ANKRD30BL: variants seen among roughly 807,000 people sequenced by gnomAD.
ANKRD30BL encodes the protein putative ankyrin repeat domain-containing protein 30B-like.
Under a neutral mutation model 18.4 loss-of-function variants are expected in ANKRD30BL, and 20 were observed. The observed-to-expected ratio is 1.09, with a 90% CI of 0.77 to 1.58. The LOEUF (loss-of-function observed/expected upper bound fraction) is 1.58. Ranked by LOEUF, ANKRD30BL falls within the 40% of genes most tolerant of loss-of-function variation. ANKRD30BL has a pLI of 0.00. For synonymous variants in ANKRD30BL, 72 were observed against 100.9 expected (o/e 0.71, Z 1.72); for missense variants, 224 against 268.6 (o/e 0.83, Z 1.16).
chr2:132,155,568 A>G (rs1274271347), intron 3 of ANKRD30BL: 1 of 152,172 alleles, frequency 6.6e-6, no homozygotes, highest in Non-Finnish European at 1.5e-5. Context: ...GGTTTATCCT[A>G]TTACCAGACA....
chr2:132,201,484 C>T (rs1488300912), intron 1 of ANKRD30BL, among the ~76,000 whole-genome samples: 14 of 151,908 alleles, frequency 9.2e-5, no homozygotes, highest in East Asian at 1.9e-4. Flanking sequence ...GGGCAAAGGA[C>T]ATGAACAGAC....
chr2:132,250,656 A>G (rs1389114889), intron 1 of ANKRD30BL, among the ~76,000 whole-genome samples: 2 of 152,212 alleles, frequency 1.3e-5, no homozygotes, highest in Admixed American at 1.3e-4. Context: ...AAACACAGCT[A>G]AGGTGATTCA....
At chr2:132,236,268 C>T (rs1033401675) in intron 1 of ANKRD30BL, among the ~76,000 whole-genome samples, 3 of 152,106 alleles carry the variant, frequency 2.0e-5, no homozygotes, top group Non-Finnish European at 2.9e-5. Context: ...CCATTCAGGA[C>T]ATAGGCATGG....
chr2:132,242,456 G>C (rs62163995), intron 1 of ANKRD30BL, among the ~76,000 whole-genome samples: 3 of 151,736 alleles, frequency 2.0e-5, no homozygotes, highest in Non-Finnish European at 4.4e-5. Context: ...CCCTTTCATA[G>C]AGCAGGGTTG....
At chr2:132,253,836 C>T (rs1680738912) in intron 1 of ANKRD30BL, among the ~76,000 whole-genome samples, 1 of 152,094 alleles carries the variant, frequency 6.6e-6, no homozygotes, top group Non-Finnish European at 1.5e-5. Context: ...GCCCCCTACC[C>T]TCGAGACCCC....
At chr2:132,173,226 G>C (rs1688311194) in intron 1 of ANKRD30BL, among the ~76,000 whole-genome samples, 1 of 151,276 alleles carries the variant, frequency 6.6e-6, no homozygotes, top group Non-Finnish European at 1.5e-5. Context: ...GTAAGTTAAG[G>C]GCCCAAACTT....
At chr2:132,188,444 C>A (rs1170701319) in intron 1 of ANKRD30BL, among the ~76,000 whole-genome samples, 1 of 152,186 alleles carries the variant, frequency 6.6e-6, no homozygotes, top group Non-Finnish European at 1.5e-5. Flanking sequence ...GGGCAGGGCG[C>A]GGTGGCTCAC....
At chr2:132,199,959 C>G (rs1027332184) in intron 1 of ANKRD30BL, among the ~76,000 whole-genome samples, 1 of 152,116 alleles carries the variant, frequency 6.6e-6, no homozygotes, top group African/African-American at 2.4e-5. Context: ...AAAAGCTTAT[C>G]CAACACGATC....
At chr2:132,230,591 T>C (rs1157410425) in intron 1 of ANKRD30BL, among the ~76,000 whole-genome samples, 1 of 152,044 alleles carries the variant, frequency 6.6e-6, no homozygotes, top group Admixed American at 6.6e-5. Flanking sequence ...TTTTGGACAA[T>C]CTGCAAGTGG....
intron 1 of ANKRD30BL, among the ~76,000 whole-genome samples, chr2:132,209,476 C>G (rs796342041): frequency 7.4e-6 from 1 of 135,142 alleles, no homozygotes; most frequent in Non-Finnish European, 1.6e-5. Flanking sequence ...AGTGGACATT[C>G]GGAGCGATTT....
rs186079609 is a variant in ANKRD30BL, at chr2:132,231,290, C to T, written n.441+26239G>A. On this transcript the variant is annotated intron_variant and non_coding_transcript_variant, in intron 1 of 4. Coordinates refer to the ANKRD30BL transcript ENST00000470729. ...AAGAAATGCAAATGGATATTTGGACCGCTTTGAGGCCTTCATTGAAAACGG... is the reference window on the plus strand; with the variant it reads ...AAGAAATGCAAATGGATATTTGGACTGCTTTGAGGCCTTCATTGAAAACGG... Among the ~76,000 whole-genome samples the T allele has an allele frequency of 1.4e-3, 218 of 152,192 alleles. 1 individual carries two copies. Among genetic ancestry groups the T allele is most frequent in the African/African-American group, 4.7e-3 (197 of 41,530 alleles).
intron 4 of ANKRD30BL, among the ~76,000 whole-genome samples, chr2:132,154,149 T>C (rs1558911408): frequency 6.6e-6 from 1 of 152,136 alleles, no homozygotes; most frequent in Non-Finnish European, 1.5e-5. Context: ...TATTTTTCAT[T>C]GAGATGGAGT....
intron 1 of ANKRD30BL, among the ~76,000 whole-genome samples, chr2:132,221,713 G>C (rs1573859448): frequency 9.1e-6 from 1 of 110,458 alleles, no homozygotes; most frequent in Non-Finnish European, 1.7e-5. Context: ...CCCCCTGCCT[G>C]GCCAGCCGCC....
chr2:132,173,915 C>T (rs1688322822), intron 1 of ANKRD30BL, among the ~76,000 whole-genome samples: 1 of 152,130 alleles, frequency 6.6e-6, no homozygotes. Context: ...AATAACACAC[C>T]TGAGTGTTAG....
intron 1 of ANKRD30BL, among the ~76,000 whole-genome samples, chr2:132,247,622 A>T (rs1181595980): frequency 1.3e-5 from 2 of 151,918 alleles, no homozygotes; most frequent in African/African-American, 4.8e-5. Flanking sequence ...AAATGCTCAG[A>T]TATATACCAC....
At chr2:132,162,993 C>G (rs1688114478), upstream of ANKRD30BL, among the ~76,000 whole-genome samples, 1 of 152,190 alleles carries the variant, frequency 6.6e-6, no homozygotes, top group Non-Finnish European at 1.5e-5. Context: ...CGCTGCCAGG[C>G]CTCAGGATCC....
intron 1 of ANKRD30BL, among the ~76,000 whole-genome samples, chr2:132,217,171 T>G (rs1273017996): frequency 1.3e-5 from 2 of 152,084 alleles, no homozygotes; most frequent in East Asian, 3.9e-4. Flanking sequence ...TGGACACACT[T>G]TATCATAGAG....
At chr2:132,163,914 A>T (rs1688139404), upstream of ANKRD30BL, among the ~76,000 whole-genome samples, 2 of 152,258 alleles carry the variant, frequency 1.3e-5, no homozygotes, top group African/African-American at 2.4e-5. Flanking sequence ...CAAAGAAATA[A>T]ATGTGTGTAT....
intron 1 of ANKRD30BL, among the ~76,000 whole-genome samples, chr2:132,190,317 T>A (rs1418251232): frequency 6.6e-6 from 1 of 151,828 alleles, no homozygotes; most frequent in Non-Finnish European, 1.5e-5. Flanking sequence ...ATGCTGTGGT[T>A]CTATTCCCTC....
Sources: gnomAD v4.1 joint callset for allele counts (sites outside exome capture counted in the v4.1 genomes callset) on GRCh38, gnomAD v4.1.1 for gene constraint, MANE v1.5 for transcripts, NCBI Gene and HGNC (gene_info 2026-07-23, HGNC 2026-07-21) for gene names.